PRDM5: variants seen among roughly 807,000 people sequenced by gnomAD.
PRDM5 encodes PR domain zinc finger protein 5.
A neutral mutation model predicts 81.2 loss-of-function variants in PRDM5; 56 were observed. The observed-to-expected ratio is 0.69, with a 90% CI of 0.56 to 0.86. The LOEUF is 0.86. PRDM5 is among the 40% of genes least tolerant of loss of function. The pLI is 0.00. For synonymous variants in PRDM5, 267 were observed against 256.4 expected (o/e 1.04, Z -0.39); for missense variants, 697 against 770.1 (o/e 0.91, Z 1.12).
rs6534206 is a variant in PRDM5 at position 120,802,869 on chromosome 4, C to G, written c.946-3124G>C. ...AAAGCTGGATGGAGAATGACTTTGA[C>G]GAGTTGAGAGAAGAAGGCTTCAGAC... On this transcript the variant is annotated intron_variant, in intron 8 of 15. Transcript: ENST00000264808. 1.3e-3 allele frequency among the ~76,000 whole-genome samples: 198 copies of G among 152,232 alleles called. 1 individual carries two copies. Among genetic ancestry groups the G allele is most frequent in the African/African-American group, 4.5e-3 (188 of 41,520 alleles).
downstream of PRDM5, among the ~76,000 whole-genome samples, chr4:120,689,124 A>G (rs1216918262): frequency 6.6e-6 from 1 of 152,184 alleles, no homozygotes; most frequent in East Asian, 1.9e-4. Context: ...TTTTATCAGG[A>G]TAAAGCCAAC....
chr4:120,775,474 G>A (rs1748015834), intron 13 of PRDM5, among the ~76,000 whole-genome samples: 1 of 151,960 alleles, frequency 6.6e-6, no homozygotes, highest in Admixed American at 6.6e-5. Context: ...AATAATCAAG[G>A]GTTCTACTGG....
In PRDM5 at chr4:120,908,163, G is replaced by C. The variant is rs188806560; in HGVS notation, c.94-606C>G. On this transcript the variant is annotated intron_variant, in intron 1 of 15. Transcript: ENST00000264808. ...TTTGAGATACAGAATTCTGGTCTTT[G>C]TTAAAATCAGAATCTGGAAATGGGC... is the stretch of plus-strand genomic sequence containing the variant. Among the ~76,000 whole-genome samples, 27 of 152,208 alleles carry C rather than the reference G, an allele frequency of 1.8e-4. 1 individual carries two copies. The highest frequency in any genetic ancestry group is 8.3e-4 in the South Asian group (4 of 4,822).
chr4:120,861,895 A>G (rs1397772), intron 2 of PRDM5, among the ~76,000 whole-genome samples: 68,206 of 152,060 alleles, frequency 0.45, 15,502 homozygotes, highest in Non-Finnish European at 0.47. Flanking sequence ...AAAGAACATC[A>G]TGTAATCCAC....
downstream of PRDM5, among the ~76,000 whole-genome samples, chr4:120,684,477 T>C (rs948284767): frequency 6.6e-6 from 1 of 151,946 alleles, no homozygotes; most frequent in East Asian, 1.9e-4. Flanking sequence ...TCAGGCTTTT[T>C]TTCAGAGATG....
intron 3 of PRDM5, among the ~76,000 whole-genome samples, chr4:120,850,999 T>C (rs930782235): frequency 6.6e-6 from 1 of 152,144 alleles, no homozygotes; most frequent in Non-Finnish European, 1.5e-5. Flanking sequence ...TGTTTTCCAT[T>C]AACTAAAGGG....
At chr4:120,801,521 G>A (rs1752116690) in intron 8 of PRDM5, among the ~76,000 whole-genome samples, 1 of 152,208 alleles carries the variant, frequency 6.6e-6, no homozygotes, top group South Asian at 2.1e-4. Context: ...ATGTAAAGCA[G>A]GGAAAAAGTA....
intron 1 of PRDM5, among the ~76,000 whole-genome samples, chr4:120,916,323 G>A (rs1434265483): frequency 1.3e-5 from 2 of 152,014 alleles, no homozygotes; most frequent in African/African-American, 4.8e-5. Context: ...GGAGGCAAAG[G>A]TTGCAGTGAG....
At chr4:120,809,400 T>C (rs1168207594) in intron 8 of PRDM5, among the ~76,000 whole-genome samples, 2 of 145,458 alleles carry the variant, frequency 1.4e-5, no homozygotes, top group Non-Finnish European at 1.6e-5. Context: ...AATAAAAAAA[T>C]ACTTTTAAAA....
At chr4:120,850,815 A>T (rs1223061948) in intron 3 of PRDM5, among the ~76,000 whole-genome samples, 3 of 152,138 alleles carry the variant, frequency 2.0e-5, no homozygotes, top group East Asian at 1.9e-4. Context: ...AACACAGTTG[A>T]TATAGAGGAA....
chr4:120,697,455 A>C (rs777289292), intron 15 of PRDM5, among the ~76,000 whole-genome samples: 1 of 152,154 alleles, frequency 6.6e-6, no homozygotes, highest in African/African-American at 2.4e-5. Flanking sequence ...AAAATTAATA[A>C]GCATATTCAT....
At chr4:120,779,225 T>A (rs965018266) in intron 12 of PRDM5, among the ~76,000 whole-genome samples, 1 of 152,130 alleles carries the variant, frequency 6.6e-6, no homozygotes, top group African/African-American at 2.4e-5. Flanking sequence ...CCAATTTTGG[T>A]TAGCTAGTTT....
At chr4:120,718,598 T>C (rs1214407817) in intron 14 of PRDM5, among the ~76,000 whole-genome samples, 2 of 152,208 alleles carry the variant, frequency 1.3e-5, no homozygotes, top group Non-Finnish European at 2.9e-5. Context: ...ATGCCTTTAA[T>C]TGTATATCAT....
chr4:120,880,777 T>C (rs1762768818), intron 2 of PRDM5, among the ~76,000 whole-genome samples: 1 of 152,176 alleles, frequency 6.6e-6, no homozygotes, highest in Admixed American at 6.5e-5. Flanking sequence ...TTTAATACAT[T>C]TACATCTACA....
intron 2 of PRDM5, 26 bp downstream of exon 2, chr4:120,907,448 A>G (rs746744719): frequency 6.6e-7 from 1 of 1,522,960 alleles, no homozygotes; most frequent in Non-Finnish European, 9.1e-7. Flanking sequence ...ATATATTTTT[A>G]ACATTAAAAT....
chr4:120,907,624 T>C, intron 1 of PRDM5, 67 bp from the exon 2 acceptor site: 1 of 1,276,690 alleles, frequency 7.8e-7, no homozygotes, highest in Non-Finnish European at 1.1e-6. Flanking sequence ...ATAAACGACT[T>C]TTTTCTTCTG....
chr4:120,866,533 T>C (rs1048222799), intron 2 of PRDM5, among the ~76,000 whole-genome samples: 1 of 152,222 alleles, frequency 6.6e-6, no homozygotes, highest in East Asian at 1.9e-4. Context: ...ATATATATTA[T>C]ATAATTTACT....
In PRDM5 at chr4:120,691,940, A is replaced by G. The variant is rs1734076553; in HGVS notation, c.*3171T>C. On this transcript the variant is annotated 3_prime_UTR_variant, in exon 16 of 16. Transcript: ENST00000264808. Reference sequence around the variant, plus strand: ...TGGTAGTGATTTATATATATTTATTATAGATTTATAATAAAATAAAAAATG... The same window carrying G: ...TGGTAGTGATTTATATATATTTATTGTAGATTTATAATAAAATAAAAAATG... 6.6e-6 allele frequency: 1 copy of G among 151,916 alleles called. No individual in the cohort carries two copies. The allele number at this position is 151,916 out of a possible 1,614,324, so 9.4% of individuals were successfully genotyped here.
chr4:120,889,737 C>T lies in PRDM5; in HGVS notation c.177+17737G>A, dbSNP rs961949603. Among the ~76,000 whole-genome samples the T allele has an allele frequency of 5.9e-5, 9 of 152,142 alleles. No homozygotes were observed. The East Asian group carries it at 9.6e-4, about 16-fold the overall frequency. ...AATCCTCTCCCTCCTCAAGTAGGCC[C>T]TGATGTCTGTTGTTCCCTTCTTTTT... On this transcript the variant is annotated intron_variant, in intron 2 of 15. Transcript: ENST00000264808.
Sources: allele counts gnomAD v4.1 joint callset (sites outside exome capture counted in the v4.1 genomes callset), GRCh38; gene constraint gnomAD v4.1.1; transcripts MANE v1.5; gene names NCBI Gene and HGNC (gene_info 2026-07-23, HGNC 2026-07-21).